Variants in ACSM1 observed in about 807,000 individuals in gnomAD.
ACSM1 encodes the protein acyl-CoA synthetase medium chain family member 1.
A neutral mutation model predicts 75.8 loss-of-function variants in ACSM1; 79 were observed. That is an observed-to-expected ratio of 1.04 (90% CI 0.87 to 1.26). The LOEUF (loss-of-function observed/expected upper bound fraction) is 1.26, where lower values mean the gene tolerates loss of function less well. Ranked by LOEUF, ACSM1 falls within the 50% of genes most tolerant of loss-of-function variation. The pLI, the probability that ACSM1 is intolerant of heterozygous loss-of-function variation, is 0.00. For missense variants in ACSM1, 676 were observed against 720.1 expected (o/e 0.94, Z 0.70); for synonymous variants, 279 against 265.8 (o/e 1.05, Z -0.48).
chr16:20,641,788 TG>T (rs2018078471), intron 7 of ACSM1, among the ~76,000 whole-genome samples: 1 of 152,190 alleles, frequency 6.6e-6, no homozygotes, highest in African/African-American at 2.4e-5. Context: ...GTGCCCAATG[TG>T]GGGTGATGAA....
At chr16:20,640,379 A>G (rs1282107228) in intron 8 of ACSM1, 82 bp downstream of exon 8, 11 of 1,505,194 alleles carry the variant, frequency 7.3e-6, no homozygotes. Context: ...TGTTTCCCAG[A>G]TGCGTGTCAT....
chr16:20,668,232 T>G (rs1380082021), intron 6 of ACSM1, among the ~76,000 whole-genome samples: 3 of 152,238 alleles, frequency 2.0e-5, no homozygotes, highest in Admixed American at 2.0e-4. Flanking sequence ...AAAATTATTA[T>G]GAATAATTCA....
intron 10 of ACSM1, among the ~76,000 whole-genome samples, chr16:20,634,243 G>A (rs932907520): frequency 1.3e-5 from 2 of 152,098 alleles, no homozygotes; most frequent in Admixed American, 6.6e-5. Context: ...TATTCTGGTG[G>A]GTATATAAAA....
chr16:20,664,188 G>T (rs1567286278), intron 6 of ACSM1, among the ~76,000 whole-genome samples: 2 of 26,472 alleles, frequency 7.6e-5, no homozygotes, highest in African/African-American at 2.1e-4. Flanking sequence ...TGGTCTAAAT[G>T]CCCCCTTTAA....
chr16:20,648,295 T>C lies in ACSM1; in HGVS notation c.993-7711A>G, dbSNP rs2018467418. Among the ~76,000 whole-genome samples the C allele has an allele frequency of 6.6e-6, 1 of 152,188 alleles. No homozygotes were observed. The highest frequency in any genetic ancestry group is 2.4e-5 in the African/African-American group (1 of 41,448). On this transcript the variant is annotated intron_variant, in intron 7 of 13. Coordinates refer to ENST00000520010, the MANE Select transcript of ACSM1 (RefSeq NM_001318890.3). This position sits in a 1 kb window ranked among gnomAD's most constrained non-coding sequence, Gnocchi z 4.2. ...GCTTTGCTAGCTAATATTCTTCTTTTCTCTCTCTCTTAACCTTTCTTGCCA... is the reference window on the plus strand; with the variant it reads ...GCTTTGCTAGCTAATATTCTTCTTTCCTCTCTCTCTTAACCTTTCTTGCCA...
At chr16:20,682,200 A>C in intron 4 of ACSM1, 56 bp downstream of exon 4, 1 of 1,565,054 alleles carries the variant, frequency 6.4e-7, no homozygotes, top group Admixed American at 1.7e-5. Context: ...TCTGATTCCT[A>C]AATTATCCCA....
At chr16:20,687,850 G>A (rs368422080) in intron 2 of ACSM1, among the ~76,000 whole-genome samples, 57 of 152,246 alleles carry the variant, frequency 3.7e-4, no homozygotes, top group African/African-American at 1.2e-3. Flanking sequence ...TTGGGAGGCC[G>A]AGGCTACCGG....
Position 20,661,847 on chromosome 16 carries a change from G to C in ACSM1, c.939C>G (p.His313Gln), listed in dbSNP as rs1842610297. The C allele has an allele frequency of 1.2e-6, 2 of 1,608,134 alleles. No homozygotes were observed. The highest frequency in any genetic ancestry group is 8.5e-7 in the Non-Finnish European group (1 of 1,175,626). The change falls in exon 7 of 14, where the codon CAC becomes CAG. Residue 313 changes from histidine (H) to glutamine (Q), a missense_variant. His to Gln is a conservative substitution (Grantham distance 24). Transcript: ENST00000520010. ...IQTLLKYPIN[H>Q]FWGVSSIYRM... is the part of the protein sequence containing the mutation. ...GATATATAGATGATACCCCCCAAAA[G>C]TGGTTAATGGGGTATTTCAACAATG...
intron 10 of ACSM1, among the ~76,000 whole-genome samples, chr16:20,630,124 T>G (rs182772100): frequency 0.011 from 1,628 of 151,390 alleles, 29 homozygotes; most frequent in African/African-American, 0.036. Context: ...AAAACTTGTT[T>G]TTTTTTTTTT....
chr16:20,673,627 G>A (rs2152277849), intron 4 of ACSM1, among the ~76,000 whole-genome samples: 1 of 152,194 alleles, frequency 6.6e-6, no homozygotes, highest in South Asian at 2.1e-4. Context: ...CCTTCACTTT[G>A]CCCCCAGGTG....
At chr16:20,636,698 G>A (rs747199345) in intron 10 of ACSM1, 41 bp downstream of exon 10, 16 of 1,469,970 alleles carry the variant, frequency 1.1e-5, no homozygotes, top group Non-Finnish European at 1.4e-5. Flanking sequence ...TCCCTGTTGG[G>A]ATCCTTGGGG....
At chr16:20,675,266 A>G (rs1331757380) in intron 4 of ACSM1, among the ~76,000 whole-genome samples, 1 of 152,110 alleles carries the variant, frequency 6.6e-6, no homozygotes, top group East Asian at 1.9e-4. Context: ...GAGGTGTGTG[A>G]AAGTGTGTGA....
At chr16:20,645,244 C>A (rs1349585925) in intron 7 of ACSM1, among the ~76,000 whole-genome samples, 2 of 152,128 alleles carry the variant, frequency 1.3e-5, no homozygotes, top group Non-Finnish European at 2.9e-5. Flanking sequence ...AAGCAGAGGT[C>A]CATGGGTGGT....
intron 6 of ACSM1, among the ~76,000 whole-genome samples, chr16:20,663,447 C>T (rs893798195): frequency 6.6e-6 from 1 of 152,076 alleles, no homozygotes; most frequent in Admixed American, 6.6e-5. Context: ...CCTGGACCCA[C>T]CTTATGCACT....
chr16:20,665,065 T>A (rs1337395912), intron 6 of ACSM1, among the ~76,000 whole-genome samples: 1 of 151,886 alleles, frequency 6.6e-6, no homozygotes, highest in Non-Finnish European at 1.5e-5. Context: ...TAATTAAGAA[T>A]CTAATATCAC....
chr16:20,686,873 T>C (rs1485679574), intron 2 of ACSM1, among the ~76,000 whole-genome samples: 1 of 151,898 alleles, frequency 6.6e-6, no homozygotes, highest in Non-Finnish European at 1.5e-5. Flanking sequence ...TGCAGTAGTA[T>C]ATGTACAAGA....
At chr16:20,687,266 C>T (rs1438886554) in intron 2 of ACSM1, among the ~76,000 whole-genome samples, 1 of 151,624 alleles carries the variant, frequency 6.6e-6, no homozygotes, top group Non-Finnish European at 1.5e-5. Context: ...CCTGCAGGCA[C>T]GTAGGGGAAA....
At chr16:20,682,088 G>A in intron 4 of ACSM1, 168 bp downstream of exon 4, 1 of 629,794 alleles carries the variant, frequency 1.6e-6, no homozygotes, top group Non-Finnish European at 2.7e-6. Context: ...ATGCTTAAAA[G>A]GTAACCTGAC....
At chr16:20,672,822 T>C (rs2020032686) in intron 4 of ACSM1, among the ~76,000 whole-genome samples, 1 of 126,928 alleles carries the variant, frequency 7.9e-6, no homozygotes, top group African/African-American at 3.2e-5. Context: ...ATATATATTA[T>C]ATAATATATA....
Sources: gnomAD v4.1 joint callset for allele counts (sites outside exome capture counted in the v4.1 genomes callset) on GRCh38, gnomAD v4.1.1 for gene constraint, Gnocchi (gnomAD v3.1) non-coding constraint, MANE v1.5 for transcripts, NCBI Gene and HGNC (gene_info 2026-07-23, HGNC 2026-07-21) for gene names.